PPP1R16B: variants seen among roughly 807,000 people sequenced by gnomAD.
PPP1R16B encodes protein phosphatase 1 regulatory subunit 16B, also known as protein phosphatase 1 regulatory inhibitor subunit 16B.
PPP1R16B carries 14 observed loss-of-function variants against 61.7 expected under a neutral mutation model. That is an observed-to-expected ratio of 0.23 (90% CI 0.15 to 0.35). PPP1R16B has a LOEUF of 0.35. Among genes scored for constraint, PPP1R16B ranks in the 10% least tolerant of loss-of-function variants. The pLI is 1.00. For missense variants in PPP1R16B, 547 were observed against 752.5 expected, an observed-to-expected ratio of 0.73 and a Z score of 3.19; for synonymous variants, 266 against 305.3, an observed-to-expected ratio of 0.87 and a Z score of 1.34.
chr20:38,814,576 T>G (rs993203267), intron 1 of PPP1R16B, among the ~76,000 whole-genome samples: 3 of 152,218 alleles, frequency 2.0e-5, no homozygotes, highest in Admixed American at 2.0e-4. Context: ...ACTATTCTTA[T>G]GGCATTATTA....
chr20:38,861,559 G>A (rs1443479851), intron 2 of PPP1R16B, among the ~76,000 whole-genome samples: 2 of 151,898 alleles, frequency 1.3e-5, no homozygotes, highest in Admixed American at 6.6e-5. Context: ...TGACCTGTCC[G>A]TTTTCACCCT....
At chr20:38,911,310 G>A (rs560221033) in intron 10 of PPP1R16B, among the ~76,000 whole-genome samples, 23 of 151,096 alleles carry the variant, frequency 1.5e-4, no homozygotes, top group Admixed American at 3.3e-4. Flanking sequence ...GGGACTATAG[G>A]TGCCCACCAT....
chr20:38,905,012 T>C (rs1015228879), intron 6 of PPP1R16B, among the ~76,000 whole-genome samples: 1 of 152,200 alleles, frequency 6.6e-6, no homozygotes, highest in African/African-American at 2.4e-5. Context: ...TGGGGGCAAA[T>C]TGAACAATCA....
intron 1 of PPP1R16B, among the ~76,000 whole-genome samples, chr20:38,816,295 G>A (rs1367691231): frequency 6.6e-6 from 1 of 152,170 alleles, no homozygotes; most frequent in South Asian, 2.1e-4. Flanking sequence ...CTGTACGTTG[G>A]TCCAGATAGA....
At chr20:38,817,221 C>T (rs528408444) in intron 1 of PPP1R16B, among the ~76,000 whole-genome samples, 6 of 152,062 alleles carry the variant, frequency 3.9e-5, no homozygotes, top group East Asian at 1.9e-4. Context: ...GAGAGTGGAA[C>T]GAAGACTGTT....
At chr20:38,899,890 A>G (rs1009903265) in intron 4 of PPP1R16B, among the ~76,000 whole-genome samples, 1 of 151,432 alleles carries the variant, frequency 6.6e-6, no homozygotes, top group Admixed American at 6.6e-5. Context: ...TCTGCCTCCC[A>G]GTTTCAAGCA....
intron 3 of PPP1R16B, among the ~76,000 whole-genome samples, chr20:38,890,348 T>C (rs191510952): frequency 6.6e-6 from 1 of 152,348 alleles, no homozygotes; most frequent in Non-Finnish European, 1.5e-5. Context: ...TCTGCCACAG[T>C]GCACAAGGCT....
At position 38,889,635 on chromosome 20, in the gene PPP1R16B, C is replaced by T; in HGVS notation, c.291C>T (p.Cys97=). The T allele has an allele frequency of 6.2e-7, 1 of 1,600,528 alleles. No individual in the cohort carries two copies. The highest frequency in any genetic ancestry group is 8.6e-7 in the Non-Finnish European group (1 of 1,167,530). Reference sequence around the variant, plus strand: ...AGAATAAGGTCAGCCCTGATTTGTGCAATGAGGACGGACTCACAGCCCTAC... The same window carrying T: ...AGAATAAGGTCAGCCCTGATTTGTGTAATGAGGACGGACTCACAGCCCTAC... ...FLKNKVSPDL[C]NEDGLTALHQ... is the part of the protein sequence containing the mutation. Residue 97 remains cysteine (C), a synonymous_variant, in exon 3 of 11, where the codon TGC becomes TGT. Transcript: ENST00000299824.
intron 2 of PPP1R16B, among the ~76,000 whole-genome samples, chr20:38,869,689 G>A (rs2085113705): frequency 6.6e-6 from 1 of 152,162 alleles, no homozygotes; most frequent in African/African-American, 2.4e-5. Flanking sequence ...GACCCTGTGT[G>A]AGCCTTCATT....
chr20:38,823,196 C>T (rs1484780383), intron 1 of PPP1R16B, among the ~76,000 whole-genome samples: 1 of 152,180 alleles, frequency 6.6e-6, no homozygotes, highest in African/African-American at 2.4e-5. Context: ...ACTTCAAAAC[C>T]TGCCTATGGG....
rs189133259 is a variant in PPP1R16B at position 38,810,206 on chromosome 20, C to T, written c.-102+4414C>T. Among the ~76,000 whole-genome samples the T allele has an allele frequency of 1.8e-3, 267 of 152,210 alleles. 1 individual carries two copies. The highest frequency in any genetic ancestry group is 3.9e-4 in the East Asian group (2 of 5,178). ...GGGAGAACAGCATGTGCAGAGGCAC[C>T]GAGGCTTAAAAGTGCTGGATGTTTT... is the stretch of plus-strand genomic sequence containing the variant. On this transcript the variant is annotated intron_variant, in intron 1 of 10. Coordinates refer to ENST00000299824, the MANE Select transcript of PPP1R16B (RefSeq NM_015568.4).
chr20:38,808,410 C>T lies in PPP1R16B; in HGVS notation c.-102+2618C>T, dbSNP rs145539584. On this transcript the variant is annotated intron_variant, in intron 1 of 10. Transcript: ENST00000299824. The stretch of plus-strand genomic sequence containing the variant: ...GCCACCACCCCTCCTGCACCCAGGA[C>T]TCTTGTCACATTTGTTGACCAGGAG... Among the ~76,000 whole-genome samples the T allele has an allele frequency of 4.5e-3, 686 of 152,246 alleles. 20 individuals are homozygous for T. Among genetic ancestry groups the T allele is most frequent in the Admixed American group, 0.038 (583 of 15,286 alleles).
At chr20:38,902,441 A>G (rs1015723508) in intron 5 of PPP1R16B, among the ~76,000 whole-genome samples, 3 of 152,232 alleles carry the variant, frequency 2.0e-5, no homozygotes, top group African/African-American at 7.2e-5. Flanking sequence ...AAAGTGACCA[A>G]TATGAATCCA....
rs376677077 is a variant in PPP1R16B, at chr20:38,846,113, G to C, written c.250+9938G>C. On this transcript the variant is annotated intron_variant, in intron 2 of 10. Transcript: ENST00000299824. The stretch of plus-strand genomic sequence containing the variant: ...GAAGATCGGAGTAGGAGGGAGGAGG[G>C]GATTTGGAGAGAATTGAGTTCTATA... Among the ~76,000 whole-genome samples the C allele has an allele frequency of 5.0e-4, 76 of 152,216 alleles. 1 individual carries two copies. The South Asian group carries it at 0.015, about 31-fold the overall frequency.
chr20:38,868,840 A>C (rs1340821122), intron 2 of PPP1R16B, among the ~76,000 whole-genome samples: 1 of 152,228 alleles, frequency 6.6e-6, no homozygotes, highest in East Asian at 1.9e-4. Flanking sequence ...AGGCAGAATT[A>C]TGAAATACTG....
chr20:38,876,150 T>C (rs1450859665), intron 2 of PPP1R16B, among the ~76,000 whole-genome samples: 3 of 152,016 alleles, frequency 2.0e-5, no homozygotes, highest in Non-Finnish European at 4.4e-5. Context: ...ATTTTTGTAT[T>C]TTTGGTAGAG....
intron 2 of PPP1R16B, among the ~76,000 whole-genome samples, chr20:38,885,464 C>A (rs1031333156): frequency 6.6e-6 from 1 of 152,172 alleles, no homozygotes; most frequent in African/African-American, 2.4e-5. Flanking sequence ...TTTCCCATTA[C>A]CCTCGTCCCC....
In PPP1R16B at chr20:38,858,339, T is replaced by C. The variant is rs138970190; in HGVS notation, c.250+22164T>C. Reference sequence around the variant, plus strand: ...GCTGGAGAAACTGATGGGGGAATTCTCTGGAATTTGTGTCCTGGGTGGACA... The same window carrying C: ...GCTGGAGAAACTGATGGGGGAATTCCCTGGAATTTGTGTCCTGGGTGGACA... On this transcript the variant is annotated intron_variant, in intron 2 of 10. Coordinates refer to ENST00000299824, the MANE Select transcript of PPP1R16B (RefSeq NM_015568.4). 1.6e-4 allele frequency among the ~76,000 whole-genome samples: 25 copies of C among 152,212 alleles called. No individual in the cohort carries two copies. The East Asian group carries it at 4.4e-3, about 27-fold the overall frequency.
chr20:38,822,030 A>G lies in PPP1R16B; in HGVS notation c.-101-13795A>G, dbSNP rs1236684995. On this transcript the variant is annotated intron_variant, in intron 1 of 10. Coordinates refer to ENST00000299824, the MANE Select transcript of PPP1R16B (RefSeq NM_015568.4). ...AATATATATTATATTTACATTATAT[A>G]TAATTTATAATATAAATATAATATA... 3.4e-5 allele frequency among the ~76,000 whole-genome samples: 5 copies of G among 147,542 alleles called. No homozygotes were observed. The South Asian group carries it at 8.4e-4, about 25-fold the overall frequency.
Sources: gnomAD v4.1 joint callset for allele counts (sites outside exome capture counted in the v4.1 genomes callset) on GRCh38, gnomAD v4.1.1 for gene constraint, MANE v1.5 for transcripts, NCBI Gene and HGNC (gene_info 2026-07-23, HGNC 2026-07-21) for gene names.